Variants in MYORG observed in about 807,000 individuals in gnomAD.
The protein encoded by MYORG is alpha-galactosidase MYORG.
A neutral mutation model predicts 49.8 loss-of-function variants in MYORG; 45 were observed. That is an observed-to-expected ratio of 0.90 (90% CI 0.71 to 1.16). The LOEUF (loss-of-function observed/expected upper bound fraction) is 1.16, where lower values mean the gene tolerates loss of function less well. Ranked by LOEUF, MYORG falls within the 50% of genes most tolerant of loss-of-function variation. The probability of loss-of-function intolerance (pLI) is 0.00; values close to 1 mark genes in which losing one functional copy is unlikely to be tolerated. For synonymous variants in MYORG, 552 were observed against 462.9 expected, an observed-to-expected ratio of 1.19 and a Z score of -2.47; for missense variants, 1,110 against 1,026.5, an observed-to-expected ratio of 1.08 and a Z score of -1.11.
At position 34,372,075 on chromosome 9, in the gene MYORG, G is replaced by A. The variant is rs758598641; in HGVS notation, c.869C>T (p.Thr290Ile). 1 of 1,613,708 alleles carries A rather than the reference G, an allele frequency of 6.2e-7. No individual in the cohort carries two copies. The highest frequency in any genetic ancestry group is 8.5e-7 in the Non-Finnish European group (1 of 1,179,864). Residue 290 changes from threonine to isoleucine, a missense_variant, in exon 2 of 2, where the codon ACC becomes ATC. Transcript: ENST00000297625. ...SYRVCVGSDV[T>I]SIHKYMVRRY... is the part of the protein sequence containing the mutation. ...ACGCACCATGTACTTGTGGATGGAGGTGACGTCTGAGCCCACGCACACTCG... is the reference window on the plus strand; with the variant it reads ...ACGCACCATGTACTTGTGGATGGAGATGACGTCTGAGCCCACGCACACTCG...
chr9:34,368,425 T>C lies in MYORG; in HGVS notation c.*2374A>G, dbSNP rs543569701. 1 of 152,408 alleles carries C rather than the reference T, an allele frequency of 6.6e-6. No individual in the cohort carries two copies. The highest frequency in any genetic ancestry group is 2.4e-5 in the African/African-American group (1 of 41,598). 9.4% of individuals were successfully genotyped at this position (152,408 alleles called of 1,614,324 possible). A position where few individuals can be genotyped will look rare whatever the true frequency, so the allele number is the denominator to read the frequency against. Reference sequence around the variant, plus strand: ...GCAAATTTTCCAAACTTTTATAGTCTGTTTCCCTTTTAAAACTGAATGCTT... The same window carrying C: ...GCAAATTTTCCAAACTTTTATAGTCCGTTTCCCTTTTAAAACTGAATGCTT... On this transcript the variant is annotated 3_prime_UTR_variant, in exon 2 of 2. Transcript: ENST00000297625.
chr9:34,370,599 C>A lies in MYORG; in HGVS notation c.*200G>T, dbSNP rs892172283. On this transcript the variant is annotated 3_prime_UTR_variant, in exon 2 of 2. Transcript: ENST00000297625. Reference sequence around the variant, plus strand: ...TGGAAAGGGCACAGTAAGGATTGTGCGTTGGAGCAGGAGATTGCTTCAGTG... The same window carrying A: ...TGGAAAGGGCACAGTAAGGATTGTGAGTTGGAGCAGGAGATTGCTTCAGTG... 30 of 906,576 alleles carry A rather than the reference C, an allele frequency of 3.3e-5. No homozygotes were observed. In the African/African-American group the frequency reaches 4.5e-4, roughly 14 times the overall value. The allele number at this position is 906,576 out of a possible 1,614,324, so 56.2% of individuals were successfully genotyped here. A position where few individuals can be genotyped will look rare whatever the true frequency, so the allele number is the denominator to read the frequency against.
In MYORG at chr9:34,371,137, T is replaced by C; in HGVS notation, c.1807A>G (p.Ile603Val). The stretch of plus-strand genomic sequence containing the variant: ...CGCAGGGCGGCGAACTTCTGCGCGA[T>C]GGCCACCACTTCCGCGTCGTAGCGC... ...PWRYDAEVVA[I>V]AQKFAALRAS... The change falls in exon 2 of 2, where the codon ATC (isoleucine) becomes GTC (valine). Residue 603 changes from isoleucine (I) to valine (V), a missense_variant. Ile to Val is a conservative substitution (Grantham distance 29, BLOSUM62 3). Coordinates refer to ENST00000297625, the MANE Select transcript of MYORG (RefSeq NM_020702.5). The C allele has an allele frequency of 5.0e-6, 8 of 1,607,824 alleles. No homozygotes were observed. The highest frequency in any genetic ancestry group is 6.8e-6 in the Non-Finnish European group (8 of 1,175,928).
In MYORG at chr9:34,376,343, T is replaced by G. The variant is rs145204675; in HGVS notation, c.-64+450A>C. ...GGTGGAGTCTGGGCTCTGCCCCTGC[T>G]GAGCCTCTCCCCACCGGACACTCAA... On this transcript the variant is annotated intron_variant, in intron 1 of 1. Coordinates refer to ENST00000297625, the MANE Select transcript of MYORG (RefSeq NM_020702.5). This position sits in a 1 kb window ranked among gnomAD's most constrained non-coding sequence, Gnocchi z 4.4. Among the ~76,000 whole-genome samples, 7 of 152,326 alleles carry G rather than the reference T, an allele frequency of 4.6e-5. No homozygotes were observed. Among genetic ancestry groups the G allele is most frequent in the South Asian group, 4.1e-4 (2 of 4,826 alleles).
Position 34,371,478 on chromosome 9 carries a change from C to A in MYORG, c.1466G>T (p.Arg489Leu), listed in dbSNP as rs1236167724. The A allele has an allele frequency of 6.2e-7, 1 of 1,612,212 alleles. No homozygotes were observed. Among genetic ancestry groups the A allele is most frequent in the South Asian group, 1.1e-5 (1 of 91,066 alleles). The change falls in exon 2 of 2, where the codon CGC (arginine) becomes CTC (leucine). Residue 489 changes from arginine to leucine, a missense_variant. Coordinates refer to ENST00000297625, the MANE Select transcript of MYORG (RefSeq NM_020702.5). ...PLPDPSVWSR[R>L]YTEMALPFFS... ...GAAGGGCAGCGCCATCTCAGTGTAG[C>A]GCCGGCTCCAGACGCTGGGGTCCGG...
chr9:34,374,381 G>A (rs72733150), intron 1 of MYORG, among the ~76,000 whole-genome samples: 18,712 of 152,170 alleles, frequency 0.12, 1,503 homozygotes, highest in Non-Finnish European at 0.18. Context: ...GGCATGATGT[G>A]TTCTCAGCTA....
chr9:34,371,841 A>C lies in MYORG; in HGVS notation c.1103T>G (p.Val368Gly). The change falls in exon 2 of 2, where the codon GTC (valine) becomes GGC (glycine). Residue 368 changes from valine (V) to glycine (G), a missense_variant. Physicochemically the swap from Val to Gly is moderately radical, Grantham distance 109. Transcript: ENST00000297625. ...CATGTCGCTGGCGTTGGGGAATTTG[A>C]CCTCATCGAAGTCGAAGTCGCCATA... ...PAYGDFDFDE[V>G]KFPNASDMFR... 2 of 1,614,036 alleles carry C rather than the reference A, an allele frequency of 1.2e-6. No individual in the cohort carries two copies. Among genetic ancestry groups the C allele is most frequent in the Non-Finnish European group, 8.5e-7 (1 of 1,179,892 alleles).
rs1820653829 is a variant in MYORG, at chr9:34,372,826, G to A, written c.118C>T (p.Pro40Ser). Reference protein sequence around the residue: ...IAAAAMYTFLPDNFSPAKPKP... With the variant: ...IAAAAMYTFLSDNFSPAKPKP... ...GGCTTGGCAGGTGAGAAGTTGTCGG[G>A]CAGGAAGGTGTACATAGCTGCGGCT... The change falls in exon 2 of 2, where the codon CCC becomes TCC. Residue 40 changes from proline (P) to serine (S), a missense_variant. Coordinates refer to ENST00000297625, the MANE Select transcript of MYORG (RefSeq NM_020702.5). The A allele has an allele frequency of 4.3e-6, 7 of 1,613,940 alleles. No homozygotes were observed. Among genetic ancestry groups the A allele is most frequent in the African/African-American group, 1.3e-5 (1 of 74,956 alleles).
rs770844560 is a variant in MYORG at position 34,372,090 on chromosome 9, A to T, written c.854T>A (p.Val285Glu). 1 of 1,613,450 alleles carries T rather than the reference A, an allele frequency of 6.2e-7. No individual in the cohort carries two copies. The change falls in exon 2 of 2, where the codon GTG becomes GAG. Residue 285 changes from valine to glutamate, a missense_variant. Coordinates refer to ENST00000297625, the MANE Select transcript of MYORG (RefSeq NM_020702.5). ...GTGGATGGAGGTGACGTCTGAGCCCACGCACACTCGGTAGCTCAGCTCTGG... is the reference window on the plus strand; with the variant it reads ...GTGGATGGAGGTGACGTCTGAGCCCTCGCACACTCGGTAGCTCAGCTCTGG... ...AAPELSYRVCVGSDVTSIHKY... is the reference protein window; with the variant it reads ...AAPELSYRVCEGSDVTSIHKY...
In MYORG at chr9:34,368,758, C is replaced by T. The variant is rs1820537949; in HGVS notation, c.*2041G>A. 6.6e-6 allele frequency: 1 copy of T among 152,280 alleles called. No homozygotes were observed. The highest frequency in any genetic ancestry group is 6.5e-5 in the Admixed American group (1 of 15,284). The allele number at this position is 152,280 out of a possible 1,614,324, so 9.4% of individuals were successfully genotyped here. A position where few individuals can be genotyped will look rare whatever the true frequency, so the allele number is the denominator to read the frequency against. ...TTCCCACATTTTCCTGTCTTCTGAT[C>T]CCTCCAAACTGTTCCAACCTCTGCC... is the stretch of plus-strand genomic sequence containing the variant. On this transcript the variant is annotated 3_prime_UTR_variant, in exon 2 of 2. Transcript: ENST00000297625.
rs1349349961 is a variant in MYORG, at chr9:34,372,922, TCTC to T, written c.19_21del (p.Glu7del). On this transcript the variant is annotated inframe_deletion, in exon 2 of 2. Coordinates refer to ENST00000297625, the MANE Select transcript of MYORG (RefSeq NM_020702.5). ...CGGCGGCGGGGGTAGGCCTGGCTCTTCTCCTGAGGGTTCTGGAGCATTAGTGGG... is the reference window on the plus strand; with the variant it reads ...CGGCGGCGGGGGTAGGCCTGGCTCTTCTGAGGGTTCTGGAGCATTAGTGGG... 2.5e-6 allele frequency: 4 copies of T among 1,613,714 alleles called. No individual in the cohort carries two copies. Among genetic ancestry groups the T allele is most frequent in the South Asian group, 2.2e-5 (2 of 91,056 alleles).
In MYORG at chr9:34,371,773, C is replaced by T; in HGVS notation, c.1171G>A (p.Val391Met). ...RDAGFRVTLW[V>M]HPFVNYNSSR... ...GAGTTGTAGTTGACAAAAGGGTGCA[C>T]CCAGAGCGTGACGCGGAAGCCGGCG... is the stretch of plus-strand genomic sequence containing the variant. Residue 391 changes from valine to methionine, a missense_variant, in exon 2 of 2, where the codon GTG becomes ATG. By Grantham distance (21) the Val-to-Met change is conservative. Transcript: ENST00000297625. 2 of 1,613,850 alleles carry T rather than the reference C, an allele frequency of 1.2e-6. No homozygotes were observed. Among genetic ancestry groups the T allele is most frequent in the Non-Finnish European group, 1.7e-6 (2 of 1,179,790 alleles).
In MYORG at chr9:34,372,947, T is replaced by A. The variant is rs777247097; in HGVS notation, c.-4A>T. ...TCTCCTGAGGGTTCTGGAGCATTAG[T>A]GGGCTGCTAAGAAAGGAGCGGGCCG... On this transcript the variant is annotated 5_prime_UTR_variant, in exon 2 of 2. Transcript: ENST00000297625. The A allele has an allele frequency of 3.1e-6, 5 of 1,612,044 alleles. No homozygotes were observed. The highest frequency in any genetic ancestry group is 4.2e-6 in the Non-Finnish European group (5 of 1,178,530).
chr9:34,371,912 G>A lies in MYORG; in HGVS notation c.1032C>T (p.His344=). The A allele has an allele frequency of 6.2e-7, 1 of 1,614,076 alleles. No individual in the cohort carries two copies. Among genetic ancestry groups the A allele is most frequent in the South Asian group, 1.1e-5 (1 of 91,092 alleles). ...LRFAQQIRLH[H]FNSSHLEIDD... is the part of the protein sequence containing the mutation. ...CGATTTCCAGGTGGCTGCTGTTGAA[G>A]TGGTGCAGGCGGATCTGTTGGGCAA... Residue 344 remains histidine, a synonymous_variant, in exon 2 of 2, where the codon CAC becomes CAT. Coordinates refer to ENST00000297625, the MANE Select transcript of MYORG (RefSeq NM_020702.5).
rs777677025 is a variant in MYORG, at chr9:34,372,848, G to C, written c.96C>G (p.Ala32=). ...CGGGCAGGAAGGTGTACATAGCTGC[G>C]GCTGCGATGGCCTCGGGGTTCTGAC... is the stretch of plus-strand genomic sequence containing the variant. ...AYRQNPEAIA[A]AAMYTFLPDN... is the part of the protein sequence containing the mutation. The change falls in exon 2 of 2, where the codon GCC becomes GCG. Residue 32 remains alanine (A), a synonymous_variant. Transcript: ENST00000297625. 8.7e-6 allele frequency: 14 copies of C among 1,613,906 alleles called. No homozygotes were observed. Among genetic ancestry groups the C allele is most frequent in the African/African-American group, 1.3e-5 (1 of 74,950 alleles).
chr9:34,368,357 T>C lies in MYORG; in HGVS notation c.*2442A>G, dbSNP rs995730377. The C allele has an allele frequency of 3.3e-5, 5 of 152,256 alleles. 1 individual carries two copies. The highest frequency in any genetic ancestry group is 2.6e-4 in the Admixed American group (4 of 15,282). The allele number at this position is 152,256 out of a possible 1,614,324, so 9.4% of individuals were successfully genotyped here. On this transcript the variant is annotated 3_prime_UTR_variant, in exon 2 of 2. Coordinates refer to ENST00000297625, the MANE Select transcript of MYORG (RefSeq NM_020702.5). The stretch of plus-strand genomic sequence containing the variant: ...AATTTCTGCAGGGGGCTTGAATTTA[T>C]CCTCAGAAAATGGGTTTTTCTTTTC...
Position 34,371,160 on chromosome 9 carries a change from C to G in MYORG, c.1784G>C (p.Arg595Pro). ...PAMQFSIPPWRYDAEVVAIAQ... is the reference protein window; with the variant it reads ...PAMQFSIPPWPYDAEVVAIAQ... Reference sequence around the variant, plus strand: ...GATGGCCACCACTTCCGCGTCGTAGCGCCAGGGCGGGATAGAGAACTGCAT... The same window carrying G: ...GATGGCCACCACTTCCGCGTCGTAGGGCCAGGGCGGGATAGAGAACTGCAT... The change falls in exon 2 of 2, where the codon CGC (arginine) becomes CCC (proline). Residue 595 changes from arginine to proline, a missense_variant. By Grantham distance (103) the Arg-to-Pro change is moderately radical. Coordinates refer to ENST00000297625, the MANE Select transcript of MYORG (RefSeq NM_020702.5). 6.2e-7 allele frequency: 1 copy of G among 1,608,838 alleles called. No individual in the cohort carries two copies.
rs115404710 is a variant in MYORG at position 34,373,786 on chromosome 9, C to G, written c.-63-780G>C. On this transcript the variant is annotated intron_variant, in intron 1 of 1. Coordinates refer to ENST00000297625, the MANE Select transcript of MYORG (RefSeq NM_020702.5). The stretch of plus-strand genomic sequence containing the variant: ...GACTTTTAACAGGGCGGTAGGCTAG[C>G]TTCCCTGTCCCCAGAGGGGGAGAGG... 2.3e-3 allele frequency among the ~76,000 whole-genome samples: 355 copies of G among 152,312 alleles called. 3 individuals carry two copies. The highest frequency in any genetic ancestry group is 7.8e-3 in the African/African-American group (326 of 41,574).
chr9:34,371,370 C>A lies in MYORG; in HGVS notation c.1574G>T (p.Trp525Leu). ...TGAGCGCAACCCCAGGTCGTAGCCC[C>A]ACACAGAGTCGCGATCCACCAGGCG... ...FFRLVDRDSVWGYDLGLRSLI... is the reference protein window; with the variant it reads ...FFRLVDRDSVLGYDLGLRSLI... Residue 525 changes from tryptophan (W) to leucine (L), a missense_variant, in exon 2 of 2, where the codon TGG becomes TTG. Transcript: ENST00000297625. The A allele has an allele frequency of 6.2e-7, 1 of 1,613,128 alleles. No individual in the cohort carries two copies. The highest frequency in any genetic ancestry group is 8.5e-7 in the Non-Finnish European group (1 of 1,179,740).
Sources: gnomAD v4.1 joint callset for allele counts (sites outside exome capture counted in the v4.1 genomes callset) on GRCh38, gnomAD v4.1.1 for gene constraint, Gnocchi (gnomAD v3.1) non-coding constraint, MANE v1.5 for transcripts, NCBI Gene and HGNC (gene_info 2026-07-23, HGNC 2026-07-21) for gene names.